The following TRPM7 variants were observed in gnomAD, a reference collection of about 807,000 sequenced individuals.
TRPM7 encodes transient receptor potential cation channel subfamily M member 7.
TRPM7 carries 134 observed loss-of-function variants against 229.7 expected under a neutral mutation model. That is an observed-to-expected ratio of 0.58 (90% CI 0.51 to 0.67). TRPM7 has a LOEUF of 0.67. Ranked by LOEUF, TRPM7 falls within the 30% of genes least tolerant of loss-of-function variation. TRPM7 has a pLI of 0.00. For missense variants in TRPM7, 1,901 were observed against 2,210.0 expected (o/e 0.86, Z 2.80); for synonymous variants, 699 against 715.2 (o/e 0.98, Z 0.36).
At chr15:50,621,926 A>G (rs1236909694) in intron 12 of TRPM7, among the ~76,000 whole-genome samples, 1 of 152,068 alleles carries the variant, frequency 6.6e-6, no homozygotes, top group Non-Finnish European at 1.5e-5. Context: ...GCAACTTGGG[A>G]GGCTGAGGCA....
rs760977187 is a variant in TRPM7 at position 50,592,438 on chromosome 15, C to T, written c.3797G>A (p.Arg1266Gln). ...EASKVHNEIT[R>Q]ELSISKHLAQ... ...CAAGTGTTTGGAAATGCTCAGTTCT[C>T]GTGTGATTTCATTATGAACTTTGCT... The change falls in exon 26 of 39, where the codon CGA (arginine) becomes CAA (glutamine). Residue 1266 changes from arginine to glutamine, a missense_variant. Around this residue, in one of 8 missense-constraint regions of TRPM7, gnomAD observed 533 missense variants for 497.1 expected, o/e 1.07. Coordinates refer to ENST00000646667, the MANE Select transcript of TRPM7 (RefSeq NM_017672.6). The T allele has an allele frequency of 1.1e-5, 17 of 1,614,132 alleles. No homozygotes were observed. The highest frequency in any genetic ancestry group is 3.3e-4 in the Middle Eastern group (2 of 6,060).
At chr15:50,611,037 C>A in intron 17 of TRPM7, 56 bp downstream of exon 17, 1 of 1,388,466 alleles carries the variant, frequency 7.2e-7, no homozygotes, top group South Asian at 1.2e-5. Flanking sequence ...TAGACTAATT[C>A]TTCTGTTCTT....
chr15:50,630,139 G>C (rs1156717051), intron 10 of TRPM7, among the ~76,000 whole-genome samples: 1 of 152,022 alleles, frequency 6.6e-6, no homozygotes, highest in Non-Finnish European at 1.5e-5. Context: ...TGGGATTACA[G>C]GTGTGAGCCA....
chr15:50,568,883 T>C (rs192960061), intron 38 of TRPM7, among the ~76,000 whole-genome samples: 2,049 of 151,792 alleles, frequency 0.013, 43 homozygotes, highest in African/African-American at 0.048. Context: ...CTTGGGAGGC[T>C]GAGGTGGGAG....
intron 2 of TRPM7, 47 bp downstream of exon 2, chr15:50,662,920 A>G (rs771508303): frequency 9.2e-5 from 122 of 1,319,522 alleles, no homozygotes; most frequent in Non-Finnish European, 1.4e-5. Flanking sequence ...AATATAATTT[A>G]CACTAAAATT....
intron 30 of TRPM7, among the ~76,000 whole-genome samples, 159 bp from the exon 31 acceptor site, chr15:50,578,823 TC>T (rs1240323476): frequency 6.6e-6 from 1 of 150,800 alleles, no homozygotes; most frequent in East Asian, 1.9e-4. Context: ...CTTAAGCCAA[TC>T]CCAATCCATA....
chr15:50,588,765 T>G (rs1445067591), intron 27 of TRPM7, among the ~76,000 whole-genome samples: 1 of 152,234 alleles, frequency 6.6e-6, no homozygotes, highest in African/African-American at 2.4e-5. Context: ...ACAAGTAATA[T>G]ATGAGAGCAA....
intron 5 of TRPM7, among the ~76,000 whole-genome samples, chr15:50,643,066 G>A (rs766379398): frequency 4.6e-5 from 7 of 152,108 alleles, no homozygotes; most frequent in South Asian, 2.1e-4. Context: ...ATAATTTTGC[G>A]GATCACGAGG....
chr15:50,596,496 G>A, intron 22 of TRPM7, 115 bp from the exon 23 acceptor site: 1 of 842,730 alleles, frequency 1.2e-6, no homozygotes. Flanking sequence ...TTTCGATTAT[G>A]TACAAATCTG....
rs773081501 is a variant in TRPM7 at position 50,609,794 on chromosome 15, T to C, written c.2436+12A>G. On this transcript the variant is annotated intron_variant, in intron 18 of 38. Transcript: ENST00000646667. ...CAAACTTATATTTACTTTAAAATGTTTTCCTGCTTACCATGGGGATCTCTT... is the reference window on the plus strand; with the variant it reads ...CAAACTTATATTTACTTTAAAATGTCTTCCTGCTTACCATGGGGATCTCTT... 3.7e-6 allele frequency: 6 copies of C among 1,603,734 alleles called. No individual in the cohort carries two copies. The South Asian group carries it at 5.7e-5, about 15-fold the overall frequency.
chr15:50,561,996 G>A (rs3101854), intron 38 of TRPM7, among the ~76,000 whole-genome samples, 188 bp from the exon 39 acceptor site: 51,880 of 151,610 alleles, frequency 0.34, 10,186 homozygotes, highest in Admixed American at 0.48. Flanking sequence ...CCGGGTTCAA[G>A]CGATTCTCCT....
intron 38 of TRPM7, among the ~76,000 whole-genome samples, chr15:50,562,884 G>C (rs930743180): frequency 4.6e-5 from 7 of 152,242 alleles, no homozygotes; most frequent in Middle Eastern, 6.8e-3. Context: ...AGGAAAGCCA[G>C]AGGAAGAGAT....
chr15:50,661,176 C>G (rs186016064), intron 2 of TRPM7, among the ~76,000 whole-genome samples: 1 of 151,966 alleles, frequency 6.6e-6, no homozygotes, highest in Non-Finnish European at 1.5e-5. Context: ...AGTGTTTCAC[C>G]ATGTTGGCCA....
intron 7 of TRPM7, among the ~76,000 whole-genome samples, chr15:50,636,375 G>A (rs2060908142): frequency 6.6e-6 from 1 of 151,982 alleles, no homozygotes; most frequent in Non-Finnish European, 1.5e-5. Flanking sequence ...ATTTTTAGGA[G>A]AGACAGGGTT....
intron 12 of TRPM7, among the ~76,000 whole-genome samples, chr15:50,623,148 T>G (rs2060458681): frequency 6.6e-6 from 1 of 151,734 alleles, no homozygotes; most frequent in Non-Finnish European, 1.5e-5. Flanking sequence ...GTGCAGTGGC[T>G]CACGCCTGTA....
At position 50,639,414 on chromosome 15, in the gene TRPM7, TA is replaced by T; in HGVS notation, c.660+9del. 6.4e-7 allele frequency: 1 copy of T among 1,561,442 alleles called. No homozygotes were observed. Among genetic ancestry groups the T allele is most frequent in the Non-Finnish European group, 8.7e-7 (1 of 1,152,956 alleles). On this transcript the variant is annotated intron_variant, in intron 6 of 38. Transcript: ENST00000646667. Reference sequence around the variant, plus strand: ...TTTCAAACATAAGAAATTTTAAAAATAATTCTTACATCTCTCCCAACAAGAT... The same window carrying T: ...TTTCAAACATAAGAAATTTTAAAAATATTCTTACATCTCTCCCAACAAGAT...
At chr15:50,621,076 G>A (rs2060386216) in intron 12 of TRPM7, among the ~76,000 whole-genome samples, 1 of 148,258 alleles carries the variant, frequency 6.7e-6, no homozygotes, top group Non-Finnish European at 1.5e-5. Context: ...GGAGAATGCC[G>A]TGAACCCCTG....
chr15:50,628,702 C>A lies in TRPM7; in HGVS notation c.1205-453G>T, dbSNP rs542154703. On this transcript the variant is annotated intron_variant, in intron 10 of 38. Coordinates refer to ENST00000646667, the MANE Select transcript of TRPM7 (RefSeq NM_017672.6). ...TAGCCTGCCTCAGAGATAAGATTAGCCCCAGGGTTAAGAACTTTACCTTTC... is the reference window on the plus strand; with the variant it reads ...TAGCCTGCCTCAGAGATAAGATTAGACCCAGGGTTAAGAACTTTACCTTTC... 1.0e-3 allele frequency among the ~76,000 whole-genome samples: 157 copies of A among 152,278 alleles called. 2 individuals carry two copies. The highest frequency in any genetic ancestry group is 3.6e-3 in the African/African-American group (151 of 41,566).
intron 31 of TRPM7, among the ~76,000 whole-genome samples, chr15:50,576,137 A>C (rs1233774363): frequency 6.6e-6 from 1 of 152,250 alleles, no homozygotes; most frequent in African/African-American, 2.4e-5. Context: ...CTACAAGTGA[A>C]GAGCACATTA....
Sources: gnomAD v4.1 joint callset for allele counts (sites outside exome capture counted in the v4.1 genomes callset) on GRCh38, gnomAD v4.1.1 for gene constraint, gnomAD v4.1.1 regional missense constraint, MANE v1.5 for transcripts, NCBI Gene and HGNC (gene_info 2026-07-23, HGNC 2026-07-21) for gene names.